The following MESD variants were observed in gnomAD, a reference collection of about 807,000 sequenced individuals.
MESD encodes mesoderm development LRP chaperone.
Under a neutral mutation model 12.9 loss-of-function variants are expected in MESD, and 7 were observed. The ratio of observed to expected loss-of-function variants is 0.54; its 90% CI spans 0.31 to 1.02. The LOEUF is 1.02. MESD is among the 50% of genes least tolerant of loss of function. The pLI is 0.05. For synonymous variants in MESD, 126 were observed against 115.6 expected, an observed-to-expected ratio of 1.09 and a Z score of -0.58; for missense variants, 342 against 296.7, an observed-to-expected ratio of 1.15 and a Z score of -1.12.
chr15:80,987,703 G>A (rs1456493694), intron 1 of MESD, among the ~76,000 whole-genome samples: 1 of 152,072 alleles, frequency 6.6e-6, no homozygotes, highest in Non-Finnish European at 1.5e-5. Context: ...TGGCCAGGCT[G>A]GTCTTGAACT....
At position 80,979,329 on chromosome 15, in the gene MESD, C is replaced by G. The variant is rs1476663916; in HGVS notation, c.595G>C (p.Glu199Gln). The G allele has an allele frequency of 1.2e-6, 2 of 1,614,072 alleles. No homozygotes were observed. The highest frequency in any genetic ancestry group is 4.5e-5 in the East Asian group (2 of 44,872). Residue 199 changes from glutamate (E) to glutamine (Q), a missense_variant, in exon 3 of 3, where the codon GAG (glutamate) becomes CAG (glutamine). Physicochemically the swap from Glu to Gln is conservative, Grantham distance 29 (BLOSUM62 2). Coordinates refer to ENST00000261758, the MANE Select transcript of MESD (RefSeq NM_015154.3). Reference protein sequence around the residue: ...VYPGKGGGSKEKNKTKQDKGK... With the variant: ...VYPGKGGGSKQKNKTKQDKGK... ...TTGTCTTGCTTTGTTTTATTTTTCT[C>G]TTTGCTTCCTCCTCCTTTGCCGGGG...
At chr15:80,949,243 G>GTGCTGACA in intron 4 of MESD, 12 of 411,264 alleles carry the variant, frequency 2.9e-5, no homozygotes, top group South Asian at 2.5e-4. Context: ...GACCTGGGTT[G>GTGCTGACA]TGCTGACAGC....
At chr15:80,971,703 T>C (rs978334260), downstream of MESD, among the ~76,000 whole-genome samples, 2 of 152,098 alleles carry the variant, frequency 1.3e-5, no homozygotes, top group Admixed American at 1.3e-4. Context: ...CACAGCTCAC[T>C]GCAGCCTCTA....
intron 3 of MESD, among the ~76,000 whole-genome samples, chr15:80,961,240 A>G (rs1307881331): frequency 6.6e-6 from 1 of 151,810 alleles, no homozygotes; most frequent in Non-Finnish European, 1.5e-5. Context: ...CTGATATTTT[A>G]TATGAGAGGC....
chr15:80,952,017 A>C, exon 4 of MESD: 1 of 353,396 alleles, frequency 2.8e-6, no homozygotes. Flanking sequence ...TCAAAGAAAG[A>C]GAAGATATCA....
chr15:80,980,633 G>C (rs924691616), intron 2 of MESD, among the ~76,000 whole-genome samples: 19 of 152,104 alleles, frequency 1.2e-4, no homozygotes, highest in Middle Eastern at 6.8e-3. Flanking sequence ...AGGATCAACT[G>C]AGATATTAAA....
At position 80,982,139 on chromosome 15, in the gene MESD, C is replaced by A; in HGVS notation, c.257G>T (p.Arg86Ile). Residue 86 changes from arginine to isoleucine, a missense_variant, in exon 2 of 3, where the codon AGA (arginine) becomes ATA (isoleucine). Physicochemically the swap from Arg to Ile is moderately conservative, Grantham distance 97. Coordinates refer to ENST00000261758, the MANE Select transcript of MESD (RefSeq NM_015154.3). ...TGAGAAGTCGACAGGTGCTGAAGGT[C>A]TCTTGTGCTCTGGAAGATCTCCTTC... ...IEEGDLPEHK[R>I]PSAPVDFSKI... The A allele has an allele frequency of 6.2e-7, 1 of 1,614,126 alleles. No homozygotes were observed. Among genetic ancestry groups the A allele is most frequent in the Non-Finnish European group, 8.5e-7 (1 of 1,180,022 alleles).
chr15:80,977,099 CT>C lies in MESD; in HGVS notation c.*2119del, dbSNP rs1439639282. 6.5e-6 allele frequency: 1 copy of C among 154,324 alleles called. No individual in the cohort carries two copies. The highest frequency in any genetic ancestry group is 2.4e-5 in the African/African-American group (1 of 41,494). The allele number at this position is 154,324 out of a possible 1,614,324, so 9.6% of individuals were successfully genotyped here. A position where few individuals can be genotyped will look rare whatever the true frequency, so the allele number is the denominator to read the frequency against. ...ACCTGGGCCTGCACTGGGCCCCAGC[CT>C]CCCCGCTGGCCTTCCTGCTGCCTCT... On this transcript the variant is annotated 3_prime_UTR_variant, in exon 3 of 3. Transcript: ENST00000261758.
rs981372347 is a variant in MESD at position 80,948,446 on chromosome 15, G to A, written c.*1079C>T. On this transcript the variant is annotated 3_prime_UTR_variant, in exon 5 of 5. Transcript: ENST00000561312. ...GAACACTGGGCTTCAGAGAGGGGCAGGGACTTGCTGGTTGTCCTAGGGGCA... is the reference window on the plus strand; with the variant it reads ...GAACACTGGGCTTCAGAGAGGGGCAAGGACTTGCTGGTTGTCCTAGGGGCA... 3 of 368,702 alleles carry A rather than the reference G, an allele frequency of 8.1e-6. No homozygotes were observed. The East Asian group carries it at 2.0e-4, about 24-fold the overall frequency. 22.8% of individuals were successfully genotyped at this position (368,702 alleles called of 1,614,324 possible).
At chr15:80,956,834 G>A (rs1427690484) in intron 3 of MESD, among the ~76,000 whole-genome samples, 2 of 147,546 alleles carry the variant, frequency 1.4e-5, no homozygotes, top group Admixed American at 6.6e-5. Flanking sequence ...TTTTTTGTTT[G>A]AGACAGAGGG....
At chr15:80,971,496 G>A (rs1902287919), downstream of MESD, among the ~76,000 whole-genome samples, 1 of 152,148 alleles carries the variant, frequency 6.6e-6, no homozygotes, top group East Asian at 1.9e-4. Context: ...ATCTAATCAA[G>A]TTCCTCTTAG....
chr15:80,949,263 C>T (rs945098058), intron 4 of MESD: 51 of 389,208 alleles, frequency 1.3e-4, no homozygotes, highest in East Asian at 1.2e-4. Flanking sequence ...CAAAGATCCA[C>T]TTTGGCAGGA....
At chr15:80,966,465 T>G (rs1902177199) in intron 3 of MESD, among the ~76,000 whole-genome samples, 2 of 152,204 alleles carry the variant, frequency 1.3e-5, no homozygotes, top group South Asian at 4.1e-4. Flanking sequence ...GCCCTTTGGT[T>G]TCTGAAAGTC....
rs1246578524 is a variant in MESD at position 80,956,055 on chromosome 15, T to G, written c.*289-3759A>C. Among the ~76,000 whole-genome samples, 3 of 152,192 alleles carry G rather than the reference T, an allele frequency of 2.0e-5. No individual in the cohort carries two copies. The East Asian group carries it at 5.8e-4, about 30-fold the overall frequency. The stretch of plus-strand genomic sequence containing the variant: ...AAATACAAAAATTACCCAGGCGTGA[T>G]GGCTCATGCCTGTGGTCCCAACTAC... On this transcript the variant is annotated intron_variant, in intron 3 of 4. Coordinates refer to the MESD transcript ENST00000561312.
chr15:80,987,732 AC>A (rs1403363433), intron 1 of MESD, among the ~76,000 whole-genome samples: 1 of 151,960 alleles, frequency 6.6e-6, no homozygotes, highest in Non-Finnish European at 1.5e-5. Context: ...CAGGTGATGC[AC>A]CCGCCTTTGC....
chr15:80,955,356 T>C (rs1596223448), intron 3 of MESD, among the ~76,000 whole-genome samples: 1 of 148,238 alleles, frequency 6.7e-6, no homozygotes, highest in South Asian at 2.1e-4. Context: ...CCGGGCGCAG[T>C]GGCAGGTGCC....
At chr15:80,985,945 A>T (rs1415236994) in intron 1 of MESD, among the ~76,000 whole-genome samples, 3 of 152,134 alleles carry the variant, frequency 2.0e-5, no homozygotes, top group Non-Finnish European at 4.4e-5. Context: ...ATGAGCCACT[A>T]AGCCCAGTCC....
intron 2 of MESD, among the ~76,000 whole-genome samples, chr15:80,981,242 C>A (rs181468853): frequency 6.6e-6 from 1 of 150,872 alleles, no homozygotes; most frequent in African/African-American, 2.4e-5. Flanking sequence ...TTGAGACCAT[C>A]CTGGCTAACA....
Position 80,982,005 on chromosome 15 carries a change from CCT to C in MESD, c.389_390del (p.Glu130GlyfsTer16). ...CTGCCCTGCCAGAGGCTCGTAATTTCCTCTGTCTCCTTCTCAGTAGGGCTTCC... is the reference window on the plus strand; with the variant it reads ...CTGCCCTGCCAGAGGCTCGTAATTTCCTGTCTCCTTCTCAGTAGGGCTTCC... ...VSGSPTEKET[E>X]EITSLWQGSL... On this transcript the variant is annotated frameshift_variant, in exon 2 of 3. Transcript: ENST00000261758. LOFTEE classifies it high-confidence loss of function. The C allele has an allele frequency of 5.6e-6, 9 of 1,614,158 alleles. No homozygotes were observed. Among genetic ancestry groups the C allele is most frequent in the South Asian group, 1.1e-5 (1 of 91,078 alleles).
Sources: gnomAD v4.1 joint callset for allele counts (sites outside exome capture counted in the v4.1 genomes callset) on GRCh38, gnomAD v4.1.1 for gene constraint, MANE v1.5 for transcripts, NCBI Gene and HGNC (gene_info 2026-07-23, HGNC 2026-07-21) for gene names.